The following GRM7 variants were observed in gnomAD, a reference collection of about 807,000 sequenced individuals.
GRM7 encodes the protein glutamate metabotropic receptor 7.
In GRM7, 35 loss-of-function variants were observed where a neutral mutation model predicts 84.5. The observed-to-expected ratio is 0.41, with a 90% CI of 0.32 to 0.55. The LOEUF is 0.55. GRM7 is among the 20% of genes least tolerant of loss of function. The pLI is 0.19. For missense variants in GRM7, 1,003 were observed against 1,194.6 expected (o/e 0.84, Z 2.36); for synonymous variants, 487 against 455.1 (o/e 1.07, Z -0.89).
intron 1 of GRM7, among the ~76,000 whole-genome samples, chr3:6,959,268 G>T (rs1003389798): frequency 6.6e-6 from 1 of 152,134 alleles, no homozygotes; most frequent in African/African-American, 2.4e-5. Context: ...CATGACTCTA[G>T]CCTGCCTACT....
At chr3:7,149,962 TC>T (rs1694231799) in intron 2 of GRM7, among the ~76,000 whole-genome samples, 1 of 152,186 alleles carries the variant, frequency 6.6e-6, no homozygotes, top group Non-Finnish European at 1.5e-5. Flanking sequence ...TTAAGCTGTT[TC>T]TATTCTTATT....
At chr3:7,724,240 T>C (rs573298330) in intron 9 of GRM7, among the ~76,000 whole-genome samples, 2 of 152,186 alleles carry the variant, frequency 1.3e-5, no homozygotes, top group Non-Finnish European at 2.9e-5. Context: ...ACATTTTGGT[T>C]AGTGAGGCCC....
At chr3:7,463,916 A>G (rs1387850647) in intron 7 of GRM7, among the ~76,000 whole-genome samples, 1 of 152,216 alleles carries the variant, frequency 6.6e-6, no homozygotes, top group African/African-American at 2.4e-5. Context: ...ATTTAGGAAT[A>G]AAATTACTTT....
intron 1 of GRM7, among the ~76,000 whole-genome samples, chr3:6,911,461 GT>G (rs1444688683): frequency 2.0e-5 from 3 of 152,032 alleles, no homozygotes; most frequent in Non-Finnish European, 2.9e-5. Flanking sequence ...ACTGTTATTA[GT>G]TTCTTATGTG....
intron 4 of GRM7, among the ~76,000 whole-genome samples, chr3:7,371,922 G>GGA (rs1694156369): frequency 6.6e-6 from 1 of 152,114 alleles, no homozygotes. Flanking sequence ...CCGGAACAGG[G>GGA]GACCCTAAAG....
At chr3:6,878,378 CGTGT>C (rs34132725) in intron 1 of GRM7, among the ~76,000 whole-genome samples, 10,635 of 141,974 alleles carry the variant, frequency 0.075, 447 homozygotes, top group Middle Eastern at 0.13. Flanking sequence ...TATGTGTTTG[CGTGT>C]GTGTGTGTGT....
chr3:6,927,446 GAAGAAAGAAAGAGAGAGAGAAAGAAAGA>G, intron 1 of GRM7, among the ~76,000 whole-genome samples: 1 of 71,340 alleles, frequency 1.4e-5, no homozygotes, highest in East Asian at 4.0e-4. Context: ...AGAAGAAAGA[GAAGAAAGAAAGAGAGAGAGAAAGAAAGA>G]AAGAAAGAAA....
At chr3:7,340,211 A>G (rs1469053552) in intron 4 of GRM7, among the ~76,000 whole-genome samples, 1 of 152,154 alleles carries the variant, frequency 6.6e-6, no homozygotes, top group Non-Finnish European at 1.5e-5. Context: ...CAGTGTGTCC[A>G]TGAATATAGT....
chr3:7,360,696 A>T (rs954778407), intron 4 of GRM7, among the ~76,000 whole-genome samples: 11 of 152,128 alleles, frequency 7.2e-5, no homozygotes, highest in African/African-American at 2.7e-4. Context: ...TGGTTTTATC[A>T]ATCTGTAAGG....
At chr3:7,470,008 G>A (rs896228301) in intron 7 of GRM7, among the ~76,000 whole-genome samples, 1 of 152,142 alleles carries the variant, frequency 6.6e-6, no homozygotes, top group Non-Finnish European at 1.5e-5. Context: ...GCAATGATGT[G>A]TCCTTACTCC....
At chr3:7,057,644 C>T (rs748505097) in intron 1 of GRM7, among the ~76,000 whole-genome samples, 1 of 151,894 alleles carries the variant, frequency 6.6e-6, no homozygotes, top group Non-Finnish European at 1.5e-5. Context: ...AGTATATCTA[C>T]TTTAGAATAT....
intron 2 of GRM7, among the ~76,000 whole-genome samples, chr3:7,193,845 C>A (rs1206698636): frequency 6.6e-6 from 1 of 152,088 alleles, no homozygotes; most frequent in Non-Finnish European, 1.5e-5. Flanking sequence ...AACAGACTGA[C>A]AACTGGAAGA....
At chr3:7,415,310 C>T in intron 5 of GRM7, 147 bp downstream of exon 5, 1 of 668,398 alleles carries the variant, frequency 1.5e-6, no homozygotes, top group East Asian at 2.7e-5. Context: ...GGAACAGGAG[C>T]ATACGTCTTG....
At position 7,414,431 on chromosome 3, in the gene GRM7, A is replaced by G. The variant is rs1696073112; in HGVS notation, c.1034-592A>G. Reference sequence around the variant, plus strand: ...TAGGCCTTGGGACACTGAATCCCGTATCTTTTTCCACTCTGACTCTCTTGC... The same window carrying G: ...TAGGCCTTGGGACACTGAATCCCGTGTCTTTTTCCACTCTGACTCTCTTGC... On this transcript the variant is annotated intron_variant, in intron 4 of 9. Coordinates refer to ENST00000357716, the MANE Select transcript of GRM7 (RefSeq NM_000844.4). Among the ~76,000 whole-genome samples the G allele has an allele frequency of 2.0e-5, 3 of 152,124 alleles. 1 individual carries two copies. The South Asian group carries it at 6.2e-4, about 31-fold the overall frequency.
intron 1 of GRM7, among the ~76,000 whole-genome samples, chr3:7,041,259 G>T (rs1696602979): frequency 6.6e-6 from 1 of 151,806 alleles, no homozygotes; most frequent in Admixed American, 6.5e-5. Flanking sequence ...TCACTGCCAA[G>T]TGTTTCCTCC....
intron 7 of GRM7, among the ~76,000 whole-genome samples, chr3:7,547,077 G>C (rs1326904500): frequency 3.3e-5 from 5 of 151,970 alleles, no homozygotes; most frequent in Non-Finnish European, 7.4e-5. Flanking sequence ...TAGGACGGGA[G>C]GGCTCCATGA....
At chr3:7,505,593 A>C (rs1700016246) in intron 7 of GRM7, among the ~76,000 whole-genome samples, 1 of 152,230 alleles carries the variant, frequency 6.6e-6, no homozygotes, top group Non-Finnish European at 1.5e-5. Flanking sequence ...TGCTTTCTGC[A>C]TGCCTGCACA....
chr3:7,372,688 C>T (rs539969825), intron 4 of GRM7, among the ~76,000 whole-genome samples: 100 of 152,144 alleles, frequency 6.6e-4, no homozygotes, highest in Non-Finnish European at 1.2e-3. Flanking sequence ...GGTATCAGAT[C>T]GATACTTGTC....
At position 6,863,670 on chromosome 3, in the gene GRM7, C is replaced by T. The variant is rs78359582; in HGVS notation, c.519+1763C>T. Among the ~76,000 whole-genome samples, 3,241 of 152,190 alleles carry T rather than the reference C, an allele frequency of 0.021. 121 individuals are homozygous for T. The highest frequency in any genetic ancestry group is 0.075 in the African/African-American group (3,107 of 41,516). On this transcript the variant is annotated intron_variant, in intron 1 of 9. Transcript: ENST00000357716. The surrounding 1 kb of genome is among the most constrained non-coding windows in gnomAD (Gnocchi z 4.8). Reference sequence around the variant, plus strand: ...CTTCATCTTTGAGCTTAAAGCTAGACAAGTTGAGGTAGCAGTGCAGCGGGA... The same window carrying T: ...CTTCATCTTTGAGCTTAAAGCTAGATAAGTTGAGGTAGCAGTGCAGCGGGA...
Sources: gnomAD v4.1 joint callset for allele counts (sites outside exome capture counted in the v4.1 genomes callset) on GRCh38, gnomAD v4.1.1 for gene constraint, Gnocchi (gnomAD v3.1) non-coding constraint, MANE v1.5 for transcripts, NCBI Gene and HGNC (gene_info 2026-07-23, HGNC 2026-07-21) for gene names.